Variants in GPC6 observed in about 807,000 individuals in gnomAD.
The protein encoded by GPC6 is glypican 6, also known as glypican-6.
A neutral mutation model predicts 55.2 loss-of-function variants in GPC6; 14 were observed. The observed-to-expected ratio is 0.25, with a 90% confidence interval of 0.17 to 0.40. GPC6 has a LOEUF of 0.40. GPC6 is among the 10% of genes least tolerant of loss of function. GPC6 has a pLI of 1.00. For missense variants in GPC6, 641 were observed against 708.5 expected (o/e 0.90, Z 1.08); for synonymous variants, 278 against 259.6 (o/e 1.07, Z -0.68).
rs572039892 is a variant in GPC6 at position 94,066,453 on chromosome 13, T to C, written c.877+38559T>C. The stretch of plus-strand genomic sequence containing the variant: ...AAGAGACTATCACATATACAGTTTT[T>C]CCCCACTACAGAAGATTGGGTGTTA... On this transcript the variant is annotated intron_variant, in intron 4 of 8. Transcript: ENST00000377047. Among the ~76,000 whole-genome samples, 6 of 152,302 alleles carry C rather than the reference T, an allele frequency of 3.9e-5. No homozygotes were observed. The East Asian group carries it at 1.2e-3, about 29-fold the overall frequency.
chr13:93,928,027 G>GTGGAA (rs1425114888), intron 3 of GPC6, among the ~76,000 whole-genome samples: 2 of 152,008 alleles, frequency 1.3e-5, no homozygotes, highest in Non-Finnish European at 2.9e-5. Context: ...TGGGCAATTA[G>GTGGAA]TGGAATTTGG....
At chr13:93,307,652 T>C (rs1878903372) in intron 1 of GPC6, among the ~76,000 whole-genome samples, 1 of 152,158 alleles carries the variant, frequency 6.6e-6, no homozygotes, top group Non-Finnish European at 1.5e-5. Context: ...AAAGCCACTA[T>C]GTAAATGTCA....
intron 2 of GPC6, among the ~76,000 whole-genome samples, chr13:93,675,337 A>C (rs555217108): frequency 2.0e-5 from 3 of 152,138 alleles, no homozygotes; most frequent in African/African-American, 4.8e-5. Context: ...TAAAAAAAAA[A>C]ACATCTATAG....
At chr13:93,676,172 T>TATAC (rs1881620332) in intron 2 of GPC6, among the ~76,000 whole-genome samples, 1 of 72,368 alleles carries the variant, frequency 1.4e-5, no homozygotes, top group African/African-American at 6.3e-5. Flanking sequence ...TATATATACA[T>TATAC]ACACACACAC....
At chr13:93,879,076 C>A (rs1047884211) in intron 3 of GPC6, among the ~76,000 whole-genome samples, 3 of 152,038 alleles carry the variant, frequency 2.0e-5, no homozygotes, top group Non-Finnish European at 2.9e-5. Flanking sequence ...CACTTCATTT[C>A]ATTCATTTCA....
intron 1 of GPC6, among the ~76,000 whole-genome samples, chr13:93,508,534 G>T (rs1880820171): frequency 1.3e-5 from 2 of 152,200 alleles, no homozygotes; most frequent in African/African-American, 4.8e-5. Context: ...TTCTGAGAGA[G>T]CTAGAATAAC....
intron 7 of GPC6, among the ~76,000 whole-genome samples, chr13:94,396,231 A>G (rs1880892383): frequency 6.6e-6 from 1 of 152,046 alleles, no homozygotes; most frequent in South Asian, 2.1e-4. Flanking sequence ...AACTCTCTTT[A>G]TTACCCCTTT....
intron 2 of GPC6, among the ~76,000 whole-genome samples, chr13:93,623,669 A>G (rs1359181545): frequency 6.6e-6 from 1 of 152,062 alleles, no homozygotes; most frequent in Admixed American, 6.5e-5. Flanking sequence ...CATGTTAGCC[A>G]GGATGGTCTT....
intron 3 of GPC6, among the ~76,000 whole-genome samples, chr13:93,854,459 T>C (rs1345114583): frequency 6.6e-6 from 1 of 151,774 alleles, no homozygotes; most frequent in African/African-American, 2.4e-5. Flanking sequence ...ATCACACTTG[T>C]TTCTTAATAG....
chr13:94,061,211 A>T (rs781367223), intron 4 of GPC6, among the ~76,000 whole-genome samples: 2 of 152,214 alleles, frequency 1.3e-5, no homozygotes, highest in Admixed American at 1.3e-4. Flanking sequence ...TTTGGAATCC[A>T]TGGCAGGAAG....
intron 2 of GPC6, among the ~76,000 whole-genome samples, chr13:93,703,943 T>G (rs1366511814): frequency 6.6e-6 from 1 of 152,014 alleles, no homozygotes; most frequent in East Asian, 1.9e-4. Context: ...GGCTTTGTAA[T>G]GATGATAGAG....
chr13:93,484,040 A>G (rs1336013002), intron 1 of GPC6, among the ~76,000 whole-genome samples: 1 of 152,128 alleles, frequency 6.6e-6, no homozygotes, highest in Non-Finnish European at 1.5e-5. Flanking sequence ...TTTTAACTTA[A>G]TCCTGGGAAA....
chr13:93,438,509 TCAG>T, intron 1 of GPC6, among the ~76,000 whole-genome samples: 1 of 152,242 alleles, frequency 6.6e-6, no homozygotes, highest in South Asian at 2.1e-4. Context: ...GTTCAAGGCT[TCAG>T]TGGAGCAAGT....
chr13:94,153,078 C>G (rs1180924990), intron 4 of GPC6, among the ~76,000 whole-genome samples: 1 of 151,978 alleles, frequency 6.6e-6, no homozygotes, highest in African/African-American at 2.4e-5. Context: ...GCAACCATTA[C>G]TGGAATAAGT....
In GPC6 at chr13:94,021,839, T is replaced by C. The variant is rs144880525; in HGVS notation, c.712-5890T>C. Among the ~76,000 whole-genome samples, 276 of 152,236 alleles carry C rather than the reference T, an allele frequency of 1.8e-3. 2 individuals carry two copies. Among genetic ancestry groups the C allele is most frequent in the Admixed American group, 0.015 (225 of 15,288 alleles). On this transcript the variant is annotated intron_variant, in intron 3 of 8. Transcript: ENST00000377047. ...AAATCCAAGATGTAATGAATTCTTATCAAAATCTCACTTAGTTGGCTCACA... is the reference window on the plus strand; with the variant it reads ...AAATCCAAGATGTAATGAATTCTTACCAAAATCTCACTTAGTTGGCTCACA...
chr13:94,318,470 T>C (rs1876653636), intron 6 of GPC6, among the ~76,000 whole-genome samples: 1 of 152,288 alleles, frequency 6.6e-6, no homozygotes, highest in Admixed American at 6.5e-5. Flanking sequence ...TAACACACTG[T>C]AATAAAAGTT....
chr13:93,541,855 C>T (rs1180589701), intron 1 of GPC6, among the ~76,000 whole-genome samples: 9 of 151,284 alleles, frequency 5.9e-5, no homozygotes, highest in African/African-American at 2.2e-4. Flanking sequence ...ATGTCCTTTG[C>T]CCACTTTTTG....
chr13:93,596,136 C>T (rs535822188), intron 2 of GPC6, among the ~76,000 whole-genome samples: 2 of 151,682 alleles, frequency 1.3e-5, no homozygotes, highest in South Asian at 4.1e-4. Context: ...CCTAAATCCT[C>T]AGAGCAGACC....
chr13:93,237,133 G>A (rs9523967), intron 1 of GPC6, among the ~76,000 whole-genome samples: 39,162 of 151,968 alleles, frequency 0.26, 5,150 homozygotes, highest in African/African-American at 0.32. Context: ...TTAGTCCTTT[G>A]AGAAATTTCC....
Sources: allele counts gnomAD v4.1 joint callset (sites outside exome capture counted in the v4.1 genomes callset), GRCh38; gene constraint gnomAD v4.1.1; transcripts MANE v1.5; gene names NCBI Gene and HGNC (gene_info 2026-07-23, HGNC 2026-07-21).